The following AUTS2 variants were observed in gnomAD, a reference collection of about 807,000 sequenced individuals.
AUTS2 encodes the protein autism susceptibility gene 2 protein.
Under a neutral mutation model 112.4 loss-of-function variants are expected in AUTS2, and 17 were observed. That is an observed-to-expected ratio of 0.15 (90% CI 0.10 to 0.23). The LOEUF (loss-of-function observed/expected upper bound fraction) is 0.23, where lower values mean the gene tolerates loss of function less well. Ranked by LOEUF, AUTS2 falls within the 10% of genes least tolerant of loss-of-function variation. The pLI is 1.00. For missense variants in AUTS2, 1,510 were observed against 1,701.6 expected (o/e 0.89, Z 1.98); for synonymous variants, 751 against 702.7 (o/e 1.07, Z -1.09).
At chr7:70,622,541 C>T (rs1455402603) in intron 5 of AUTS2, among the ~76,000 whole-genome samples, 1 of 152,216 alleles carries the variant, frequency 6.6e-6, no homozygotes, top group East Asian at 1.9e-4. Flanking sequence ...AGTTGGATCA[C>T]TGGGCTTCTA....
chr7:69,745,298 C>T (rs1787442881), intron 1 of AUTS2, among the ~76,000 whole-genome samples: 1 of 152,130 alleles, frequency 6.6e-6, no homozygotes, highest in African/African-American at 2.4e-5. Context: ...GATGTAGGGC[C>T]AGATAGGTAC....
At chr7:69,912,982 T>C (rs1313980206) in intron 2 of AUTS2, among the ~76,000 whole-genome samples, 1 of 152,190 alleles carries the variant, frequency 6.6e-6, no homozygotes, top group South Asian at 2.1e-4. Context: ...CTAAATAAGA[T>C]TGAAGCCTCT....
At chr7:70,754,519 A>G (rs920059487) in intron 6 of AUTS2, among the ~76,000 whole-genome samples, 5 of 152,246 alleles carry the variant, frequency 3.3e-5, no homozygotes, top group Non-Finnish European at 7.3e-5. Context: ...CATTGCTACC[A>G]GCTTGAGGTA....
chr7:70,064,641 T>G (rs1186966690), intron 2 of AUTS2, among the ~76,000 whole-genome samples: 2 of 152,180 alleles, frequency 1.3e-5, no homozygotes, highest in African/African-American at 4.8e-5. Context: ...TTGGGGTTAA[T>G]TAGACATAAA....
chr7:69,713,061 T>A (rs1177353157), intron 1 of AUTS2, among the ~76,000 whole-genome samples: 3 of 152,218 alleles, frequency 2.0e-5, no homozygotes, highest in African/African-American at 7.2e-5. Context: ...AAAAAAACCT[T>A]AGTTGTTTGT....
chr7:70,360,893 C>G (rs1792229739), intron 4 of AUTS2, among the ~76,000 whole-genome samples: 1 of 152,194 alleles, frequency 6.6e-6, no homozygotes, highest in African/African-American at 2.4e-5. Context: ...AATTTGCTCT[C>G]CAAAATGATT....
chr7:70,464,665 T>C (rs77255975), intron 5 of AUTS2, among the ~76,000 whole-genome samples: 1,819 of 152,244 alleles, frequency 0.012, 29 homozygotes, highest in African/African-American at 0.042. Flanking sequence ...TGAGTTTATT[T>C]TGGAAAGTGC....
intron 18 of AUTS2, among the ~76,000 whole-genome samples, chr7:70,788,140 T>TTTC (rs1791638305): frequency 6.6e-6 from 1 of 152,004 alleles, no homozygotes. Context: ...GTCTTTTTTT[T>TTTC]TTTCTTTCTT....
chr7:70,488,273 T>C (rs936327940), intron 5 of AUTS2, among the ~76,000 whole-genome samples: 8 of 152,196 alleles, frequency 5.3e-5, no homozygotes, highest in African/African-American at 1.9e-4. Context: ...TTCTGAAAGC[T>C]GGCCTTTCCT....
chr7:70,726,036 A>G (rs1787009752), intron 6 of AUTS2, among the ~76,000 whole-genome samples: 1 of 151,574 alleles, frequency 6.6e-6, no homozygotes, highest in Admixed American at 6.6e-5. Context: ...AAAAAAAAAA[A>G]GGACCTGGGA....
intron 4 of AUTS2, among the ~76,000 whole-genome samples, chr7:70,143,810 A>G (rs1027213782): frequency 6.6e-6 from 1 of 152,172 alleles, no homozygotes; most frequent in Non-Finnish European, 1.5e-5. Flanking sequence ...GTGAAGCCAG[A>G]TAATTGCAGT....
At chr7:70,259,655 T>C (rs536815819) in intron 4 of AUTS2, among the ~76,000 whole-genome samples, 68 of 152,338 alleles carry the variant, frequency 4.5e-4, no homozygotes, top group African/African-American at 1.4e-3. Context: ...TATGCCACCT[T>C]GTTCTTGACC....
intron 6 of AUTS2, among the ~76,000 whole-genome samples, chr7:70,714,219 A>G (rs973330200): frequency 2.0e-5 from 3 of 152,200 alleles, no homozygotes; most frequent in African/African-American, 7.2e-5. Flanking sequence ...CTCTAATTCA[A>G]TATAGAAAAT....
intron 4 of AUTS2, among the ~76,000 whole-genome samples, chr7:70,399,755 ATAAAAT>A (rs1217372532): frequency 6.3e-4 from 73 of 116,546 alleles, no homozygotes; most frequent in Middle Eastern, 8.6e-3. Context: ...GGGTAAAAAA[ATAAAAT>A]AAAATAAAAT....
At chr7:69,698,352 C>A (rs1797646937) in intron 1 of AUTS2, among the ~76,000 whole-genome samples, 1 of 152,066 alleles carries the variant, frequency 6.6e-6, no homozygotes, top group African/African-American at 2.4e-5. Flanking sequence ...TAGTCTCTAA[C>A]CTTATTTGCT....
At chr7:70,555,244 C>G (rs530970107) in intron 5 of AUTS2, among the ~76,000 whole-genome samples, 1 of 152,328 alleles carries the variant, frequency 6.6e-6, no homozygotes, top group Non-Finnish European at 1.5e-5. Flanking sequence ...TTGGAGGAAG[C>G]ATTCCTGTGA....
intron 2 of AUTS2, among the ~76,000 whole-genome samples, chr7:69,945,601 T>G (rs1186731107): frequency 6.6e-6 from 1 of 152,150 alleles, no homozygotes; most frequent in East Asian, 1.9e-4. Flanking sequence ...AGTTACCATT[T>G]TTTGTTGTTG....
At chr7:70,409,014 G>A (rs964569815) in intron 4 of AUTS2, among the ~76,000 whole-genome samples, 1 of 152,184 alleles carries the variant, frequency 6.6e-6, no homozygotes, top group African/African-American at 2.4e-5. Flanking sequence ...CCATGTTGTA[G>A]AAGTAATTTC....
chr7:69,616,515 T>TC (rs1793383838), intron 1 of AUTS2, among the ~76,000 whole-genome samples: 1 of 152,002 alleles, frequency 6.6e-6, no homozygotes, highest in Non-Finnish European at 1.5e-5. Flanking sequence ...GGATGTTTTT[T>TC]CCCCCCACAA....
Sources: gnomAD v4.1 joint callset for allele counts (sites outside exome capture counted in the v4.1 genomes callset) on GRCh38, gnomAD v4.1.1 for gene constraint, MANE v1.5 for transcripts, NCBI Gene and HGNC (gene_info 2026-07-23, HGNC 2026-07-21) for gene names.